Variants in ARMC8 observed in about 807,000 individuals in gnomAD.
The protein encoded by ARMC8 is armadillo repeat containing 8, also known as armadillo repeat-containing protein 8.
Under a neutral mutation model 99.3 loss-of-function variants are expected in ARMC8, and 20 were observed. That is an observed-to-expected ratio of 0.20 (90% CI 0.14 to 0.29). The LOEUF (loss-of-function observed/expected upper bound fraction) is 0.29, where lower values mean the gene tolerates loss of function less well. Among genes scored for constraint, ARMC8 ranks in the 10% least tolerant of loss-of-function variants. The pLI, the probability that ARMC8 is intolerant of heterozygous loss-of-function variation, is 1.00. For synonymous variants in ARMC8, 263 were observed against 278.3 expected (o/e 0.95, Z 0.55); for missense variants, 569 against 809.5 (o/e 0.70, Z 3.60).
chr3:138,231,967 T>G (rs1342127179), intron 6 of ARMC8, among the ~76,000 whole-genome samples: 1 of 117,716 alleles, frequency 8.5e-6, no homozygotes, highest in Non-Finnish European at 1.8e-5. Context: ...ATTGCTTTTT[T>G]TTTTTTTTTT....
At chr3:138,203,075 T>G (rs2044167904) in intron 1 of ARMC8, among the ~76,000 whole-genome samples, 1 of 152,238 alleles carries the variant, frequency 6.6e-6, no homozygotes, top group Admixed American at 6.5e-5. Flanking sequence ...ATCTCACTAG[T>G]TTCCTGAGCT....
At chr3:138,242,277 A>G (rs999016125) in intron 11 of ARMC8, among the ~76,000 whole-genome samples, 2 of 152,204 alleles carry the variant, frequency 1.3e-5, no homozygotes, top group African/African-American at 4.8e-5. Context: ...ACATAACCGT[A>G]TAATCTTATT....
chr3:138,259,745 A>G (rs1378243940), intron 12 of ARMC8, among the ~76,000 whole-genome samples: 1 of 152,240 alleles, frequency 6.6e-6, no homozygotes, highest in Non-Finnish European at 1.5e-5. Context: ...GCCACCTTAT[A>G]GCTATACTCT....
At chr3:138,259,226 A>T (rs570923608) in intron 12 of ARMC8, among the ~76,000 whole-genome samples, 5 of 152,328 alleles carry the variant, frequency 3.3e-5, no homozygotes, top group African/African-American at 7.2e-5. Flanking sequence ...TGTCTGGTGC[A>T]CTGTTAAACC....
intron 12 of ARMC8, chr3:138,262,351 C>T: frequency 1.5e-6 from 1 of 668,424 alleles, no homozygotes; most frequent in Non-Finnish European, 2.5e-6. Flanking sequence ...GTTTTGGAAA[C>T]TAAAACACCA....
chr3:138,234,941 G>A lies in ARMC8; in HGVS notation c.529-93G>A, dbSNP rs910102430. 8.0e-6 allele frequency: 8 copies of A among 994,228 alleles called. No homozygotes were observed. In the Admixed American group the frequency reaches 1.0e-4, roughly 12 times the overall value. The allele number at this position is 994,228 out of a possible 1,614,324, so 61.6% of individuals were successfully genotyped here. ...AAGAGTAACAGGATTCTGTACTGTAGTGAATGTGGTTTTCTACATTTAAGT... is the reference window on the plus strand; with the variant it reads ...AAGAGTAACAGGATTCTGTACTGTAATGAATGTGGTTTTCTACATTTAAGT... On this transcript the variant is annotated intron_variant, in intron 6 of 21. Coordinates refer to ENST00000469044, the MANE Select transcript of ARMC8 (RefSeq NM_001363941.2).
chr3:138,282,833 G>A (rs2050067983), intron 18 of ARMC8, among the ~76,000 whole-genome samples: 1 of 152,144 alleles, frequency 6.6e-6, no homozygotes, highest in Non-Finnish European at 1.5e-5. Context: ...GCATGCTCAT[G>A]TCTGCCCCTT....
chr3:138,262,726 C>A, intron 12 of ARMC8: 2 of 865,930 alleles, frequency 2.3e-6, no homozygotes, highest in African/African-American at 1.7e-5. Context: ...CAAGGACAAC[C>A]AAGGTTAAGA....
intron 1 of ARMC8, 38 bp downstream of exon 1, chr3:138,187,637 G>A (rs1298291550): frequency 2.0e-6 from 3 of 1,534,274 alleles, no homozygotes; most frequent in Non-Finnish European, 2.6e-6. Flanking sequence ...CGCCCTCCAG[G>A]AAGCCTCATC....
intron 19 of ARMC8, among the ~76,000 whole-genome samples, chr3:138,288,517 A>G (rs896678847): frequency 2.0e-4 from 31 of 151,408 alleles, no homozygotes; most frequent in African/African-American, 7.5e-4. Flanking sequence ...CAAGGCTTGT[A>G]CTCCTCAATT....
intron 10 of ARMC8, 81 bp downstream of exon 10, chr3:138,239,609 T>C: frequency 1.1e-6 from 1 of 876,330 alleles, no homozygotes; most frequent in Non-Finnish European, 1.8e-6. Context: ...ATATTTCATT[T>C]TACACATTTA....
intron 1 of ARMC8, among the ~76,000 whole-genome samples, chr3:138,191,227 C>T (rs1469926305): frequency 6.6e-6 from 1 of 152,134 alleles, no homozygotes; most frequent in African/African-American, 2.4e-5. Flanking sequence ...ACAAACTCTC[C>T]AGCCCTGTTT....
intron 12 of ARMC8, 145 bp downstream of exon 12, chr3:138,245,328 A>G: frequency 6.5e-7 from 1 of 1,528,490 alleles, no homozygotes; most frequent in East Asian, 2.3e-5. Context: ...TGAAGAATGA[A>G]TGGGACCCGG....
At chr3:138,267,614 T>C (rs1167753519) in intron 15 of ARMC8, among the ~76,000 whole-genome samples, 1 of 152,244 alleles carries the variant, frequency 6.6e-6, no homozygotes. Flanking sequence ...TTATAAATCA[T>C]TTCAAGGACA....
At chr3:138,250,944 C>T (rs192336949) in intron 12 of ARMC8, among the ~76,000 whole-genome samples, 2 of 151,838 alleles carry the variant, frequency 1.3e-5, no homozygotes, top group Non-Finnish European at 2.9e-5. Context: ...CTCAGGAGTT[C>T]GATACCAGCT....
chr3:138,204,141 T>C (rs758874007), intron 1 of ARMC8, among the ~76,000 whole-genome samples: 3 of 152,144 alleles, frequency 2.0e-5, no homozygotes, highest in Non-Finnish European at 4.4e-5. Flanking sequence ...GTGCAGTGGC[T>C]TGGATCTTGT....
At chr3:138,202,959 G>C (rs1336619919) in intron 1 of ARMC8, among the ~76,000 whole-genome samples, 1 of 152,058 alleles carries the variant, frequency 6.6e-6, no homozygotes, top group East Asian at 1.9e-4. Context: ...AACCCTACCT[G>C]AATAAATTTT....
chr3:138,260,351 G>A (rs2047641399), intron 12 of ARMC8, among the ~76,000 whole-genome samples: 1 of 152,140 alleles, frequency 6.6e-6, no homozygotes, highest in African/African-American at 2.4e-5. Context: ...AATCATTACT[G>A]TATCTCCTCA....
chr3:138,229,054 A>AT, intron 6 of ARMC8, 44 bp downstream of exon 6: 1 of 1,435,888 alleles, frequency 7.0e-7, no homozygotes. Flanking sequence ...AAATCTTATT[A>AT]TGCCTTTAAG....
Sources: gnomAD v4.1 joint callset for allele counts (sites outside exome capture counted in the v4.1 genomes callset) on GRCh38, gnomAD v4.1.1 for gene constraint, MANE v1.5 for transcripts, NCBI Gene and HGNC (gene_info 2026-07-23, HGNC 2026-07-21) for gene names.